SAMSN1: variants seen among roughly 807,000 people sequenced by gnomAD.
SAMSN1 encodes SAM domain, SH3 domain and nuclear localization signals 1.
In SAMSN1, 31 loss-of-function variants were observed where a neutral mutation model predicts 42.0. That is an observed-to-expected ratio of 0.74 (90% confidence interval 0.55 to 1.00). The LOEUF (loss-of-function observed/expected upper bound fraction) is 1.00, where lower values mean the gene tolerates loss of function less well. Among genes scored for constraint, SAMSN1 ranks in the 50% least tolerant of loss-of-function variants. The pLI is 0.00. For synonymous variants in SAMSN1, 178 were observed against 151.9 expected (o/e 1.17, Z -1.26); for missense variants, 464 against 439.4 (o/e 1.06, Z -0.50).
At chr21:14,536,852 T>G (rs1979654338) in intron 1 of SAMSN1, among the ~76,000 whole-genome samples, 1 of 152,184 alleles carries the variant, frequency 6.6e-6, no homozygotes, top group Non-Finnish European at 1.5e-5. Flanking sequence ...TTAGACAGCA[T>G]GTAGTAAGTT....
upstream of SAMSN1, chr21:14,583,461 G>A (rs1391355270): frequency 3.7e-6 from 2 of 533,694 alleles, no homozygotes; most frequent in African/African-American, 3.9e-5. Context: ...GAGAAACGGG[G>A]CGGTGCATAA....
chr21:14,657,462 T>C (rs191483071), intron 1 of SAMSN1, among the ~76,000 whole-genome samples: 5 of 151,982 alleles, frequency 3.3e-5, no homozygotes, highest in African/African-American at 9.6e-5. Flanking sequence ...TATATGGTTA[T>C]ATGTCTTCAG....
Position 14,623,437 on chromosome 21 carries a change from C to T in SAMSN1, c.157-7421G>A, listed in dbSNP as rs186957407. On this transcript the variant is annotated intron_variant, in intron 2 of 15. Coordinates refer to the SAMSN1 transcript ENST00000647101. ...AATAAAGGGATGGAAGAAGATCTAC[C>T]AAGAAAATGGAAAACAAAAAAAGGC... Among the ~76,000 whole-genome samples, 63 of 151,990 alleles carry T rather than the reference C, an allele frequency of 4.1e-4. 2 individuals are homozygous for T. In the East Asian group the frequency reaches 8.1e-3, roughly 20 times the overall value.
At chr21:14,569,395 G>GT (rs1383585216) in intron 2 of SAMSN1, among the ~76,000 whole-genome samples, 1 of 152,118 alleles carries the variant, frequency 6.6e-6, no homozygotes, top group Admixed American at 6.5e-5. Flanking sequence ...GCCGACTGCT[G>GT]TTTTGGGTTA....
At chr21:14,598,722 C>T (rs1156969922) in intron 6 of SAMSN1, among the ~76,000 whole-genome samples, 7 of 152,106 alleles carry the variant, frequency 4.6e-5, no homozygotes, top group Non-Finnish European at 1.0e-4. Context: ...TGCTTAAGTA[C>T]GTTCTGGTTG....
intron 5 of SAMSN1, 126 bp downstream of exon 5, chr21:14,510,184 G>T: frequency 2.3e-6 from 2 of 871,888 alleles, no homozygotes; most frequent in Non-Finnish European, 3.7e-6. Flanking sequence ...CTGTAAGCTA[G>T]CCTCCACTTC....
intron 2 of SAMSN1, among the ~76,000 whole-genome samples, chr21:14,552,434 C>T (rs1373989819): frequency 1.3e-5 from 2 of 152,048 alleles, no homozygotes; most frequent in African/African-American, 4.8e-5. Context: ...GTCATGGGGA[C>T]AGAGCCTTTA....
chr21:14,589,491 C>T (rs1180600588), intron 7 of SAMSN1, among the ~76,000 whole-genome samples: 1 of 151,662 alleles, frequency 6.6e-6, no homozygotes, highest in Non-Finnish European at 1.5e-5. Flanking sequence ...GTATCAGGTA[C>T]TTTCAGATTT....
intron 3 of SAMSN1, chr21:14,612,948 G>A (rs770708874): frequency 1.5e-6 from 1 of 676,020 alleles, no homozygotes; most frequent in South Asian, 1.6e-5. Context: ...TTTAAGTCTA[G>A]ATTTAATAAA....
rs189557929 is a variant in SAMSN1 at position 14,568,191 on chromosome 21, A to G, written c.261+13945T>C. ...ACAAATATTGGTTTTATTTGAAAAC[A>G]TTACATGAAGTGATTCTTTCTTTAA... On this transcript the variant is annotated intron_variant, in intron 2 of 8. Coordinates refer to the SAMSN1 transcript ENST00000285670. 3.9e-5 allele frequency among the ~76,000 whole-genome samples: 6 copies of G among 152,290 alleles called. No individual in the cohort carries two copies. The East Asian group carries it at 1.2e-3, about 29-fold the overall frequency.
At chr21:14,597,267 C>A (rs560537906) in intron 6 of SAMSN1, among the ~76,000 whole-genome samples, 1 of 152,036 alleles carries the variant, frequency 6.6e-6, no homozygotes, top group Admixed American at 6.6e-5. Flanking sequence ...AGTGACCCAG[C>A]GTTGTGACCT....
At chr21:14,608,064 T>C (rs1026179536) in intron 5 of SAMSN1, among the ~76,000 whole-genome samples, 2 of 152,198 alleles carry the variant, frequency 1.3e-5, no homozygotes, top group African/African-American at 4.8e-5. Context: ...AGTGGCTGAA[T>C]AGAACCCTCA....
Position 14,486,045 on chromosome 21 carries a change from T to TG in SAMSN1, c.988dup (p.Gln330ProfsTer4). 1 of 1,613,558 alleles carries TG rather than the reference T, an allele frequency of 6.2e-7. No individual in the cohort carries two copies. Among genetic ancestry groups the TG allele is most frequent in the Non-Finnish European group, 8.5e-7 (1 of 1,179,552 alleles). ...AGAGTCCCTTGGGCAGTCATCTAAC[T>TG]GTGACTTATTTAAGGAGATGTCTGA... On this transcript the variant is annotated frameshift_variant, in exon 8 of 8. Coordinates refer to ENST00000400566, the MANE Select transcript of SAMSN1 (RefSeq NM_022136.5). LOFTEE classifies it high-confidence loss of function.
Position 14,500,526 on chromosome 21 carries a change from C to T in SAMSN1, c.768+3G>A, listed in dbSNP as rs757215643. 3 of 1,613,026 alleles carry T rather than the reference C, an allele frequency of 1.9e-6. No homozygotes were observed. Among genetic ancestry groups the T allele is most frequent in the East Asian group, 2.2e-5 (1 of 44,860 alleles). ...AAAGCAAACAGAACACAGATTTGCTCACCTGCAGATGAATCCTCTCTAGGA... is the reference window on the plus strand; with the variant it reads ...AAAGCAAACAGAACACAGATTTGCTTACCTGCAGATGAATCCTCTCTAGGA... On this transcript the variant is annotated splice_donor_region_variant and intron_variant, in intron 6 of 7. Coordinates refer to ENST00000400566, the MANE Select transcript of SAMSN1 (RefSeq NM_022136.5).
At chr21:14,524,354 G>A (rs1414127871) in intron 1 of SAMSN1, among the ~76,000 whole-genome samples, 1 of 148,726 alleles carries the variant, frequency 6.7e-6, no homozygotes, top group African/African-American at 2.4e-5. Context: ...TATCAAGACA[G>A]AGTTATTATA....
upstream of SAMSN1, among the ~76,000 whole-genome samples, chr21:14,585,797 G>A (rs533746825): frequency 2.6e-5 from 4 of 152,194 alleles, no homozygotes; most frequent in East Asian, 5.8e-4. Flanking sequence ...ACAAAATGGA[G>A]TATCCATAGT....
intron 1 of SAMSN1, among the ~76,000 whole-genome samples, chr21:14,544,188 C>CG (rs1181187487): frequency 5.3e-5 from 8 of 152,146 alleles, no homozygotes; most frequent in African/African-American, 1.4e-4. Flanking sequence ...ATAGCTGGTA[C>CG]TACATGCACG....
chr21:14,635,036 A>ATGGGTGAAG (rs1983430606), intron 2 of SAMSN1, among the ~76,000 whole-genome samples: 1 of 152,194 alleles, frequency 6.6e-6, no homozygotes, highest in Non-Finnish European at 1.5e-5. Context: ...TTGCAGGGAC[A>ATGGGTGAAG]TGGGTGAAGC....
intron 3 of SAMSN1, among the ~76,000 whole-genome samples, chr21:14,615,732 T>C (rs921829335): frequency 3.3e-5 from 5 of 152,246 alleles, no homozygotes; most frequent in African/African-American, 1.2e-4. Flanking sequence ...TTTAGACACA[T>C]GTTTCTTCTG....
Sources: gnomAD v4.1 joint callset for allele counts (sites outside exome capture counted in the v4.1 genomes callset) on GRCh38, gnomAD v4.1.1 for gene constraint, MANE v1.5 for transcripts, NCBI Gene and HGNC (gene_info 2026-07-23, HGNC 2026-07-21) for gene names.